ZFHX3: variants seen among roughly 807,000 people sequenced by gnomAD.
The protein encoded by ZFHX3 is zinc finger homeobox 3, also known as zinc finger homeobox protein 3.
A neutral mutation model predicts 279.1 loss-of-function variants in ZFHX3; 42 were observed. The observed-to-expected ratio is 0.15, with a 90% confidence interval of 0.12 to 0.19. The LOEUF is 0.19. Among genes scored for constraint, ZFHX3 ranks in the 10% least tolerant of loss-of-function variants. The pLI, the probability that ZFHX3 is intolerant of heterozygous loss-of-function variation, is 1.00. For synonymous variants in ZFHX3, 2,293 were observed against 1,957.8 expected (o/e 1.17, Z -4.52); for missense variants, 4,981 against 4,754.0 (o/e 1.05, Z -1.40).
intron 2 of ZFHX3, among the ~76,000 whole-genome samples, chr16:73,630,040 TAC>T (rs1458528573): frequency 6.6e-6 from 1 of 152,152 alleles, no homozygotes; most frequent in Non-Finnish European, 1.5e-5. Flanking sequence ...TCATTTCTAT[TAC>T]AGAGACTCAA....
intron 5 of ZFHX3, among the ~76,000 whole-genome samples, chr16:72,819,560 C>T (rs921897458): frequency 7.2e-5 from 11 of 152,148 alleles, no homozygotes; most frequent in Admixed American, 2.6e-4. Context: ...GGTCCAGGGA[C>T]GACACTTTGA....
Position 73,780,111 on chromosome 16 carries a change from A to ATTTTTTTTTTTTTT in ZFHX3, c.-1607-99885_-1607-99872dup, listed in dbSNP as rs762134796. Among the ~76,000 whole-genome samples the ATTTTTTTTTTTTTT allele has an allele frequency of 2.4e-4, 8 of 33,214 alleles. 3 individuals carry two copies. The highest frequency in any genetic ancestry group is 5.2e-4 in the Non-Finnish European group (7 of 13,572). 21.8% of individuals were successfully genotyped at this position (33,214 alleles called of 152,430 possible). ...AACCAGCAAAACTCACTGCATTTGA[A>ATTTTTTTTTTTTTT]TTTTTTTTTTTTTTTTTTTTTTTTT... On this transcript the variant is annotated intron_variant, in intron 1 of 17. Transcript: ENST00000641206.
chr16:72,910,107 C>T (rs1297080266), intron 3 of ZFHX3, among the ~76,000 whole-genome samples: 1 of 152,116 alleles, frequency 6.6e-6, no homozygotes, highest in Non-Finnish European at 1.5e-5. Context: ...GCATCTCACT[C>T]TACAATCAAG....
chr16:73,257,489 TAGAAG>T (rs1403702007), intron 4 of ZFHX3, among the ~76,000 whole-genome samples: 1 of 152,210 alleles, frequency 6.6e-6, no homozygotes, highest in African/African-American at 2.4e-5. Context: ...GATCCCCTGT[TAGAAG>T]AGAGTGAAAA....
intron 1 of ZFHX3, among the ~76,000 whole-genome samples, chr16:73,847,758 G>A (rs1002920673): frequency 6.6e-6 from 1 of 151,984 alleles, no homozygotes; most frequent in Non-Finnish European, 1.5e-5. Context: ...ATTATGATGA[G>A]ATGGAGTCTC....
chr16:73,212,269 C>T (rs552754215), intron 5 of ZFHX3, among the ~76,000 whole-genome samples: 1 of 152,144 alleles, frequency 6.6e-6, no homozygotes, highest in African/African-American at 2.4e-5. Context: ...TATATCTATA[C>T]ACCCTTTTTT....
intron 1 of ZFHX3, among the ~76,000 whole-genome samples, chr16:73,745,598 T>A (rs1201904830): frequency 6.6e-6 from 1 of 152,198 alleles, no homozygotes; most frequent in East Asian, 1.9e-4. Flanking sequence ...ACCAAATGCG[T>A]GTATAGCCAG....
rs140314411 is a variant in ZFHX3, at chr16:72,796,401, A to G, written c.6281T>C (p.Leu2094Pro). ...CATCATCAGCGGCGAGAAGATGGGCAGCTCCATCGGCATGGAGAGCTGGGT... is the reference window on the plus strand; with the variant it reads ...CATCATCAGCGGCGAGAAGATGGGCGGCTCCATCGGCATGGAGAGCTGGGT... ...PLTQLSMPME[L>P]PIFSPLMMQT... The change falls in exon 9 of 10, where the codon CTG becomes CCG. Residue 2094 changes from leucine (L) to proline (P), a missense_variant. Leu to Pro is a moderately conservative substitution (Grantham distance 98). This residue lies in a region of ZFHX3 where 1,751 missense variants were observed against 1,770.0 expected (regional missense o/e 0.99). Coordinates refer to ENST00000268489, the MANE Select transcript of ZFHX3 (RefSeq NM_006885.4). 130 of 1,612,794 alleles carry G rather than the reference A, an allele frequency of 8.1e-5. No individual in the cohort carries two copies. The highest frequency in any genetic ancestry group is 1.1e-4 in the Non-Finnish European group (126 of 1,180,012).
At chr16:73,783,324 T>C (rs1271122409) in intron 1 of ZFHX3, among the ~76,000 whole-genome samples, 4 of 152,246 alleles carry the variant, frequency 2.6e-5, no homozygotes, top group African/African-American at 7.2e-5. Context: ...TACGCCACTG[T>C]TGAACTCTTT....
At chr16:73,274,305 A>G (rs945004286) in intron 4 of ZFHX3, among the ~76,000 whole-genome samples, 8 of 152,100 alleles carry the variant, frequency 5.3e-5, no homozygotes, top group African/African-American at 1.7e-4. Flanking sequence ...TATGACATCT[A>G]TGTTTTGCAT....
chr16:72,791,930 T>G (rs1439230337), intron 9 of ZFHX3, among the ~76,000 whole-genome samples: 1 of 152,212 alleles, frequency 6.6e-6, no homozygotes, highest in African/African-American at 2.4e-5. Flanking sequence ...AAGATTGCTG[T>G]GGGAAGCAGC....
At chr16:72,945,533 C>A (rs1960623017) in intron 3 of ZFHX3, among the ~76,000 whole-genome samples, 2 of 152,156 alleles carry the variant, frequency 1.3e-5, no homozygotes, top group Non-Finnish European at 2.9e-5. Context: ...CAGGCGAAAT[C>A]TGCTAAAATT....
intron 2 of ZFHX3, among the ~76,000 whole-genome samples, chr16:73,466,391 G>A (rs138838805): frequency 6.6e-6 from 1 of 152,274 alleles, no homozygotes; most frequent in Non-Finnish European, 1.5e-5. Flanking sequence ...ACTGAGGTGG[G>A]AGGATCACTT....
At chr16:73,314,496 G>C (rs2015399234) in intron 4 of ZFHX3, among the ~76,000 whole-genome samples, 1 of 152,188 alleles carries the variant, frequency 6.6e-6, no homozygotes, top group African/African-American at 2.4e-5. Context: ...ACTAATAAAT[G>C]GCAGAGCCGG....
intron 3 of ZFHX3, among the ~76,000 whole-genome samples, chr16:73,393,104 G>C (rs1051768909): frequency 6.6e-6 from 1 of 152,152 alleles, no homozygotes; most frequent in African/African-American, 2.4e-5. Flanking sequence ...CAAAGTGCTG[G>C]GGTTACAGGT....
chr16:73,558,537 G>A (rs2020320675), intron 2 of ZFHX3: 1 of 152,082 alleles, frequency 6.6e-6, no homozygotes, highest in Non-Finnish European at 1.5e-5. Flanking sequence ...AAGCAGATGG[G>A]GGACAAGTCG....
rs563051788 is a variant in ZFHX3, at chr16:73,612,619, T to C, written c.-1547+67561A>G. Among the ~76,000 whole-genome samples the C allele has an allele frequency of 3.7e-4, 56 of 152,300 alleles. 1 individual carries two copies. The highest frequency in any genetic ancestry group is 1.3e-3 in the African/African-American group (54 of 41,574). The stretch of plus-strand genomic sequence containing the variant: ...TAAATTACATTGCAATAAAGCTGTT[T>C]AAAAACAAAACAAAACGAGGTGTAT... On this transcript the variant is annotated intron_variant, in intron 2 of 17. Coordinates refer to the ZFHX3 transcript ENST00000641206.
At chr16:73,601,469 C>CAAAA (rs67967322) in intron 2 of ZFHX3, among the ~76,000 whole-genome samples, 15 of 131,692 alleles carry the variant, frequency 1.1e-4, no homozygotes, top group Non-Finnish European at 7.9e-5. Context: ...GACTCCATCT[C>CAAAA]AAAAAAAAAA....
chr16:73,141,014 A>C (rs1289930523), intron 6 of ZFHX3, among the ~76,000 whole-genome samples: 2 of 152,216 alleles, frequency 1.3e-5, no homozygotes, highest in South Asian at 4.1e-4. Context: ...ACCCCACCCC[A>C]TAGCATAATC....
Sources: allele counts gnomAD v4.1 joint callset (sites outside exome capture counted in the v4.1 genomes callset), GRCh38; gene constraint gnomAD v4.1.1; regional missense constraint gnomAD v4.1.1; transcripts MANE v1.5; gene names NCBI Gene and HGNC (gene_info 2026-07-23, HGNC 2026-07-21).